The following HHLA1 variants were observed in gnomAD, a reference collection of about 807,000 sequenced individuals.
The protein encoded by HHLA1 is HERV-H LTR-associating protein 1.
In HHLA1, 72 loss-of-function variants were observed where a neutral mutation model predicts 69.9. The ratio of observed to expected loss-of-function variants is 1.03; its 90% CI spans 0.85 to 1.25. HHLA1 has a LOEUF of 1.25. Ranked by LOEUF, HHLA1 falls within the 50% of genes most tolerant of loss-of-function variation. HHLA1 has a pLI of 0.00. For missense variants in HHLA1, 685 were observed against 642.2 expected (o/e 1.07, Z -0.72); for synonymous variants, 252 against 233.2 (o/e 1.08, Z -0.73).
intron 1 of HHLA1, among the ~76,000 whole-genome samples, chr8:132,106,287 CA>C: frequency 6.6e-6 from 1 of 152,288 alleles, no homozygotes; most frequent in East Asian, 1.9e-4. Flanking sequence ...GGGCAAATTG[CA>C]TGTTGAGAAG....
At chr8:132,089,703 G>A in intron 7 of HHLA1, 104 bp from the exon 8 acceptor site, 1 of 696,348 alleles carries the variant, frequency 1.4e-6, no homozygotes, top group Admixed American at 2.2e-5. Flanking sequence ...GTTTGATTTA[G>A]TTTAGTGTAT....
rs555095462 is a variant in HHLA1 at position 132,071,541 on chromosome 8, G to T, written c.1316-48C>A. 2.5e-4 allele frequency: 386 copies of T among 1,527,026 alleles called. 2 individuals are homozygous for T. In the Admixed American group the frequency reaches 7.3e-3, roughly 29 times the overall value. The allele number at this position is 1,527,026 out of a possible 1,614,324, so 94.6% of individuals were successfully genotyped here. A position where few individuals can be genotyped will look rare whatever the true frequency, so the allele number is the denominator to read the frequency against. ...AATTAAATCAGTAAGAGTTTAGTAAGCATCTTCTCTTCGTTAAGCCCTGCA... is the reference window on the plus strand; with the variant it reads ...AATTAAATCAGTAAGAGTTTAGTAATCATCTTCTCTTCGTTAAGCCCTGCA... On this transcript the variant is annotated intron_variant, in intron 14 of 16. Transcript: ENST00000414222.
intron 2 of HHLA1, 105 bp from the exon 3 acceptor site, chr8:132,104,272 G>T: frequency 1.3e-6 from 1 of 760,616 alleles, no homozygotes; most frequent in Non-Finnish European, 2.2e-6. Context: ...TATGATCTGG[G>T]GTTGTGAAGT....
chr8:132,096,579 T>A (rs1201423725), intron 5 of HHLA1, among the ~76,000 whole-genome samples: 3 of 152,166 alleles, frequency 2.0e-5, no homozygotes, highest in Non-Finnish European at 4.4e-5. Flanking sequence ...GAGCATCTTA[T>A]CTACTCTCCA....
intron 15 of HHLA1, chr8:132,069,774 G>A (rs998306588): frequency 2.0e-5 from 3 of 151,812 alleles, no homozygotes; most frequent in Admixed American, 2.0e-4. Flanking sequence ...CAGTTTCTGA[G>A]GCTATTTCTG....
chr8:132,080,043 G>A, intron 10 of HHLA1, 77 bp from the exon 11 acceptor site: 1 of 1,490,108 alleles, frequency 6.7e-7, no homozygotes, highest in Non-Finnish European at 9.2e-7. Flanking sequence ...TCACTGGACT[G>A]CAAATATATG....
chr8:132,090,827 C>T (rs1299536634), intron 7 of HHLA1, among the ~76,000 whole-genome samples: 13 of 149,402 alleles, frequency 8.7e-5, no homozygotes, highest in African/African-American at 2.5e-4. Context: ...GGCGCAATCT[C>T]GGCTCACTGC....
intron 5 of HHLA1, 33 bp downstream of exon 5, chr8:132,098,849 T>A (rs1251058258): frequency 7.1e-7 from 1 of 1,403,014 alleles, no homozygotes; most frequent in Non-Finnish European, 9.8e-7. Flanking sequence ...GAAAAAAAAA[T>A]GGACCTGGAT....
chr8:132,095,546 A>G lies in HHLA1; in HGVS notation c.421T>C (p.Leu141=). The change falls in exon 7 of 17, where the codon TTA becomes CTA. Residue 141 remains leucine, a synonymous_variant. Coordinates refer to ENST00000414222, the MANE Select transcript of HHLA1 (RefSeq NM_001145095.3). ...AKFPTRYCYC[L]NNRTNDLSDF... ...GATAAGTCATTGGTCCGATTGTTTA[A>G]ACAGTAGCAATACCTTGTGGGGAAT... 1.3e-6 allele frequency: 2 copies of G among 1,550,272 alleles called. No individual in the cohort carries two copies. The highest frequency in any genetic ancestry group is 1.7e-6 in the Non-Finnish European group (2 of 1,145,582).
At position 132,064,011 on chromosome 8, in the gene HHLA1, A is replaced by G. The variant is rs1291763065; in HGVS notation, c.1580T>C (p.Ile527Thr). 1 of 1,303,604 alleles carries G rather than the reference A, an allele frequency of 7.7e-7. No homozygotes were observed. Among genetic ancestry groups the G allele is most frequent in the Admixed American group, 2.3e-5 (1 of 43,520 alleles). 80.8% of individuals were successfully genotyped at this position (1,303,604 alleles called of 1,614,324 possible). Reference protein sequence around the residue: ...HTLKQKCLENICKSV With the variant: ...HTLKQKCLENTCKSV ...TTCAAGGCCTCACACAGACTTGCAGATATTCTCAAGGCACTTTTGCTTTAA... is the reference window on the plus strand; with the variant it reads ...TTCAAGGCCTCACACAGACTTGCAGGTATTCTCAAGGCACTTTTGCTTTAA... Residue 527 changes from isoleucine to threonine, a missense_variant, in exon 17 of 17, where the codon ATC becomes ACC. Physicochemically the swap from Ile to Thr is moderately conservative, Grantham distance 89. Coordinates refer to ENST00000414222, the MANE Select transcript of HHLA1 (RefSeq NM_001145095.3).
At chr8:132,100,693 G>T (rs995138031) in intron 3 of HHLA1, among the ~76,000 whole-genome samples, 1 of 152,186 alleles carries the variant, frequency 6.6e-6, no homozygotes, top group African/African-American at 2.4e-5. Context: ...GAATGAACCC[G>T]GTCTCCAGCT....
At position 132,098,939 on chromosome 8, in the gene HHLA1, G is replaced by C. The variant is rs1461539332; in HGVS notation, c.223C>G (p.Leu75Val). The change falls in exon 5 of 17, where the codon CTG becomes GTG. Residue 75 changes from leucine (L) to valine (V), a missense_variant. Physicochemically the swap from Leu to Val is conservative, Grantham distance 32. Transcript: ENST00000414222. The part of the protein sequence containing the change: ...TTELPARSID[L>V]SALNLTELVN... ...AGCTCTGTCAGGTTAAGCGCGGACA[G>C]ATCGATTGACCTTGCGGGCAGCTCT... The C allele has an allele frequency of 1.3e-6, 2 of 1,550,746 alleles. No homozygotes were observed. Among genetic ancestry groups the C allele is most frequent in the South Asian group, 1.2e-5 (1 of 83,964 alleles).
intron 4 of HHLA1, among the ~76,000 whole-genome samples, 196 bp from the exon 5 acceptor site, chr8:132,099,158 C>A (rs1824074846): frequency 6.6e-6 from 1 of 152,106 alleles, no homozygotes; most frequent in African/African-American, 2.4e-5. Flanking sequence ...AACAAAGTGA[C>A]AAATATAGAT....
intron 13 of HHLA1, 30 bp downstream of exon 13, chr8:132,076,444 CA>C: frequency 7.1e-7 from 1 of 1,405,774 alleles, no homozygotes; most frequent in African/African-American, 1.4e-5. Context: ...CCCCCACCCC[CA>C]AACCCCCACT....
At chr8:132,071,631 C>T (rs189575096) in intron 14 of HHLA1, 138 bp from the exon 15 acceptor site, 193 of 733,100 alleles carry the variant, frequency 2.6e-4, no homozygotes, top group Non-Finnish European at 3.9e-4. Flanking sequence ...ACATAGCATT[C>T]CTCACCATTA....
chr8:132,093,626 A>G (rs1823977408), intron 7 of HHLA1, among the ~76,000 whole-genome samples: 2 of 152,236 alleles, frequency 1.3e-5, no homozygotes, highest in African/African-American at 2.4e-5. Flanking sequence ...TCAGTAGATA[A>G]TGATCCATGG....
chr8:132,072,606 C>A (rs1193322100), intron 14 of HHLA1, among the ~76,000 whole-genome samples: 1 of 152,032 alleles, frequency 6.6e-6, no homozygotes, highest in Non-Finnish European at 1.5e-5. Context: ...AACAAAGGTT[C>A]ACTAATCACT....
rs1204072593 is a variant in HHLA1 at position 132,101,340 on chromosome 8, C to T, written c.140-1206G>A. 5 of 1,512,960 alleles carry T rather than the reference C, an allele frequency of 3.3e-6. No individual in the cohort carries two copies. The African/African-American group carries it at 7.0e-5, about 21-fold the overall frequency. 93.7% of individuals were successfully genotyped at this position (1,512,960 alleles called of 1,614,324 possible). On this transcript the variant is annotated intron_variant, in intron 3 of 16. Coordinates refer to ENST00000414222, the MANE Select transcript of HHLA1 (RefSeq NM_001145095.3). ...TACAGCCTCAAACAGTTCATAACAT[C>T]CTTAGAAATCATCTTGTCCAACACT...
rs541846512 is a variant in HHLA1 at position 132,061,614 on chromosome 8, C to T, written c.*2381G>A. 1 of 152,256 alleles carries T rather than the reference C, an allele frequency of 6.6e-6. No homozygotes were observed. The highest frequency in any genetic ancestry group is 1.5e-5 in the Non-Finnish European group (1 of 68,098). The allele number at this position is 152,256 out of a possible 1,614,324, so 9.4% of individuals were successfully genotyped here. A position where few individuals can be genotyped will look rare whatever the true frequency, so the allele number is the denominator to read the frequency against. On this transcript the variant is annotated 3_prime_UTR_variant, in exon 17 of 17. Coordinates refer to ENST00000414222, the MANE Select transcript of HHLA1 (RefSeq NM_001145095.3). ...CCACTGGTGGCCACATACATACACA[C>T]TAATTAGTAGGAGTTCCAGATCAGT... is the stretch of plus-strand genomic sequence containing the variant.
Sources: gnomAD v4.1 joint callset for allele counts (sites outside exome capture counted in the v4.1 genomes callset) on GRCh38, gnomAD v4.1.1 for gene constraint, MANE v1.5 for transcripts, NCBI Gene and HGNC (gene_info 2026-07-23, HGNC 2026-07-21) for gene names.